The following LVRN variants were observed in gnomAD, a reference collection of about 807,000 sequenced individuals.
LVRN encodes the protein aminopeptidase Q.
LVRN carries 99 observed loss-of-function variants against 111.4 expected under a neutral mutation model. The ratio of observed to expected loss-of-function variants is 0.89; its 90% CI spans 0.76 to 1.05. The LOEUF (loss-of-function observed/expected upper bound fraction) is 1.05. LVRN is among the 50% of genes least tolerant of loss of function. The pLI, the probability that LVRN is intolerant of heterozygous loss-of-function variation, is 0.00. For missense variants in LVRN, 1,414 were observed against 1,206.8 expected, an observed-to-expected ratio of 1.17 and a Z score of -2.54; for synonymous variants, 488 against 449.5, an observed-to-expected ratio of 1.09 and a Z score of -1.08.
chr5:115,991,012 G>C (rs1193216195), intron 4 of LVRN, among the ~76,000 whole-genome samples: 1 of 151,834 alleles, frequency 6.6e-6, no homozygotes, highest in African/African-American at 2.4e-5. Context: ...TCTTGCATTG[G>C]TGTGGTACAC....
chr5:115,974,020 C>A (rs180999118), intron 1 of LVRN, among the ~76,000 whole-genome samples: 6 of 152,116 alleles, frequency 3.9e-5, no homozygotes, highest in Admixed American at 2.0e-4. Flanking sequence ...TTTGGGAACA[C>A]CTTTTTCAAA....
In LVRN at chr5:116,003,924, A is replaced by G. The variant is rs138241419; in HGVS notation, c.2037+544A>G. On this transcript the variant is annotated intron_variant, in intron 12 of 19. Coordinates refer to ENST00000357872, the MANE Select transcript of LVRN (RefSeq NM_173800.5). ...ACATTCATTTTGCTTTTCCAAAACAACCTTTCCAGGTAAGAATCAGGATGC... is the reference window on the plus strand; with the variant it reads ...ACATTCATTTTGCTTTTCCAAAACAGCCTTTCCAGGTAAGAATCAGGATGC... 3.4e-3 allele frequency among the ~76,000 whole-genome samples: 520 copies of G among 152,206 alleles called. 2 individuals carry two copies. The highest frequency in any genetic ancestry group is 6.2e-3 in the Non-Finnish European group (422 of 68,014).
intron 1 of LVRN, among the ~76,000 whole-genome samples, chr5:115,979,574 T>A (rs1020127646): frequency 6.6e-6 from 1 of 152,136 alleles, no homozygotes; most frequent in Non-Finnish European, 1.5e-5. Flanking sequence ...ATTTTGAAAA[T>A]CTTCATAACA....
chr5:115,996,930 T>C (rs60033099), intron 6 of LVRN, among the ~76,000 whole-genome samples: 1 of 152,126 alleles, frequency 6.6e-6, no homozygotes, highest in African/African-American at 2.4e-5. Flanking sequence ...CAGATGATAA[T>C]TGCATCTGCT....
intron 18 of LVRN, chr5:116,021,850 C>G (rs1295243976): frequency 2.7e-6 from 1 of 363,688 alleles, no homozygotes; most frequent in Non-Finnish European, 5.3e-6. Context: ...GGGGAAGTTT[C>G]CATGACCACG....
In LVRN at chr5:115,963,213, G is replaced by A. The variant is rs995524393; in HGVS notation, c.596G>A (p.Gly199Asp). Residue 199 changes from glycine to aspartate, a missense_variant, in exon 1 of 20, where the codon GGT (glycine) becomes GAT (aspartate). Physicochemically the swap from Gly to Asp is moderately conservative, Grantham distance 94. Transcript: ENST00000357872. ...VLELSEPLKP[G>D]SSYELQLSFS... ...GAGCTCAGTGAGCCCCTGAAACCTG[G>A]TAGCAGCTACGAGCTGCAGCTTAGC... 6.2e-7 allele frequency: 1 copy of A among 1,612,868 alleles called. No individual in the cohort carries two copies. Among genetic ancestry groups the A allele is most frequent in the African/African-American group, 1.3e-5 (1 of 75,054 alleles).
chr5:116,014,618 T>G (rs927947234), intron 16 of LVRN, 91 bp downstream of exon 16: 1 of 1,062,766 alleles, frequency 9.4e-7, no homozygotes, highest in African/African-American at 1.6e-5. Context: ...GAATGAGTGT[T>G]TTGCTTTCAC....
Position 116,026,734 on chromosome 5 carries a change from C to T in LVRN, c.*616C>T, listed in dbSNP as rs1309942255. ...TCCCACAGTACATCCTGCATTGAACCACGTGTTGCTGGTTACTAAACTTTA... is the reference window on the plus strand; with the variant it reads ...TCCCACAGTACATCCTGCATTGAACTACGTGTTGCTGGTTACTAAACTTTA... On this transcript the variant is annotated 3_prime_UTR_variant, in exon 20 of 20. Transcript: ENST00000357872. 1 of 153,180 alleles carries T rather than the reference C, an allele frequency of 6.5e-6. No individual in the cohort carries two copies. Among genetic ancestry groups the T allele is most frequent in the African/African-American group, 2.4e-5 (1 of 41,432 alleles). The allele number at this position is 153,180 out of a possible 1,614,324, so 9.5% of individuals were successfully genotyped here. A position where few individuals can be genotyped will look rare whatever the true frequency, so the allele number is the denominator to read the frequency against.
At position 115,984,708 on chromosome 5, in the gene LVRN, A is replaced by C; in HGVS notation, c.977A>C (p.Glu326Ala). ...GTCAACAGAACAGAAAGGGGCAAGG[A>C]GGTGAGTGAGGAAGATTCTGTAGGT... Reference protein sequence around the residue: ...DHVNRTERGKEIRIWARKDAI... With the variant: ...DHVNRTERGKAIRIWARKDAI... Residue 326 changes from glutamate to alanine, a missense_variant and splice_region_variant, in exon 3 of 20, where the codon GAG (glutamate) becomes GCG (alanine). Glu to Ala is a moderately radical substitution (Grantham distance 107). Coordinates refer to ENST00000357872, the MANE Select transcript of LVRN (RefSeq NM_173800.5). The C allele has an allele frequency of 6.2e-7, 1 of 1,613,424 alleles. No homozygotes were observed. Among genetic ancestry groups the C allele is most frequent in the East Asian group, 2.2e-5 (1 of 44,858 alleles).
chr5:115,962,519 A>C lies in LVRN; in HGVS notation c.-99A>C. ...AGGAGGAAGAGGCACGATACAAGAG[A>C]GGAGGGGCAGGGGTCGCAGCACTGA... On this transcript the variant is annotated 5_prime_UTR_variant, in exon 1 of 20. Coordinates refer to ENST00000357872, the MANE Select transcript of LVRN (RefSeq NM_173800.5). The C allele has an allele frequency of 9.4e-7, 1 of 1,067,060 alleles. No individual in the cohort carries two copies. The highest frequency in any genetic ancestry group is 1.4e-5 in the South Asian group (1 of 69,096). The allele number at this position is 1,067,060 out of a possible 1,614,324, so 66.1% of individuals were successfully genotyped here.
intron 4 of LVRN, among the ~76,000 whole-genome samples, chr5:115,991,174 A>C (rs993630564): frequency 6.6e-6 from 1 of 152,156 alleles, no homozygotes; most frequent in Non-Finnish European, 1.5e-5. Flanking sequence ...CACTGCCATA[A>C]AAATCCCCTG....
chr5:116,024,425 T>C (rs572011861), intron 19 of LVRN, among the ~76,000 whole-genome samples: 27 of 152,292 alleles, frequency 1.8e-4, no homozygotes, highest in African/African-American at 6.5e-4. Context: ...ATCATTGTTA[T>C]CATGAGAGAA....
chr5:115,965,840 T>C (rs1387980501), intron 1 of LVRN, among the ~76,000 whole-genome samples: 1 of 152,202 alleles, frequency 6.6e-6, no homozygotes, highest in African/African-American at 2.4e-5. Context: ...TCCTGAGGCC[T>C]TCCCAGCCAT....
chr5:115,990,709 T>C (rs1186190798), intron 4 of LVRN, among the ~76,000 whole-genome samples: 1 of 152,030 alleles, frequency 6.6e-6, no homozygotes, highest in Non-Finnish European at 1.5e-5. Context: ...GTAGCTGGGA[T>C]TACAGGTGCG....
At chr5:116,014,293 C>T (rs1054764383) in intron 15 of LVRN, 127 bp from the exon 16 acceptor site, 2 of 683,234 alleles carry the variant, frequency 2.9e-6, no homozygotes, top group Non-Finnish European at 4.8e-6. Flanking sequence ...TTTTTTAAAA[C>T]AAACCTGATG....
chr5:115,993,011 A>G (rs1321646873), intron 5 of LVRN, among the ~76,000 whole-genome samples: 1 of 152,250 alleles, frequency 6.6e-6, no homozygotes, highest in Non-Finnish European at 1.5e-5. Flanking sequence ...AACAAACACA[A>G]TCACAAGTTT....
chr5:115,976,642 T>C (rs1753455354), intron 1 of LVRN, among the ~76,000 whole-genome samples: 1 of 152,230 alleles, frequency 6.6e-6, no homozygotes, highest in African/African-American at 2.4e-5. Context: ...TATCTTTTTT[T>C]TGGAAGTTCA....
intron 3 of LVRN, among the ~76,000 whole-genome samples, chr5:115,986,617 G>A (rs1308299441): frequency 6.6e-6 from 1 of 152,132 alleles, no homozygotes; most frequent in Admixed American, 6.6e-5. Flanking sequence ...TATATACTCT[G>A]CAGAGGAACA....
intron 18 of LVRN, among the ~76,000 whole-genome samples, chr5:116,016,596 A>C (rs1245059539): frequency 6.6e-6 from 1 of 152,232 alleles, no homozygotes; most frequent in Non-Finnish European, 1.5e-5. Context: ...TAGCTCAGTC[A>C]GTTCTGAAAT....
Sources: allele counts gnomAD v4.1 joint callset (sites outside exome capture counted in the v4.1 genomes callset), GRCh38; gene constraint gnomAD v4.1.1; transcripts MANE v1.5; gene names NCBI Gene and HGNC (gene_info 2026-07-23, HGNC 2026-07-21).